PSMA6: variants seen among roughly 807,000 people sequenced by gnomAD.
PSMA6 encodes the protein proteasome subunit alpha type-6.
For synonymous variants in PSMA6, 88 were observed against 97.7 expected, an observed-to-expected ratio of 0.90 and a Z score of 0.59; for missense variants, 170 against 294.8, an observed-to-expected ratio of 0.58 and a Z score of 3.10.
At chr14:35,311,318 T>C (rs2051940642) in intron 4 of PSMA6, among the ~76,000 whole-genome samples, 1 of 152,218 alleles carries the variant, frequency 6.6e-6, no homozygotes, top group South Asian at 2.1e-4. Context: ...TAGAATAAAT[T>C]TCTATTTTTG....
intron 1 of PSMA6, among the ~76,000 whole-genome samples, chr14:35,279,089 C>T (rs1393915898): frequency 3.9e-5 from 6 of 152,016 alleles, no homozygotes; most frequent in Admixed American, 3.3e-4. Flanking sequence ...CTCTTCTCGC[C>T]CAGGCTGGAG....
At chr14:35,310,261 A>T in intron 3 of PSMA6, 1 of 427,844 alleles carries the variant, frequency 2.3e-6, no homozygotes, top group South Asian at 1.7e-5. Context: ...GGTTCAAGCA[A>T]TTCTCGTGCC....
At chr14:35,298,315 C>T (rs2051638524) in intron 1 of PSMA6, among the ~76,000 whole-genome samples, 2 of 152,142 alleles carry the variant, frequency 1.3e-5, no homozygotes, top group South Asian at 4.2e-4. Flanking sequence ...CATGGTGAAA[C>T]CCTATCTGTA....
chr14:35,278,747 G>C (rs1381479736), intron 1 of PSMA6: 2 of 1,531,794 alleles, frequency 1.3e-6, no homozygotes, highest in Non-Finnish European at 1.7e-6. Flanking sequence ...CTTGTTGCTT[G>C]AGATGTACTA....
At chr14:35,287,366 A>C (rs1340544172) in intron 1 of PSMA6, among the ~76,000 whole-genome samples, 2 of 152,170 alleles carry the variant, frequency 1.3e-5, no homozygotes, top group Non-Finnish European at 2.9e-5. Context: ...TGGCCAACTC[A>C]CAGGGCACTG....
chr14:35,282,158 C>T (rs1227150089), intron 1 of PSMA6, among the ~76,000 whole-genome samples: 1 of 152,198 alleles, frequency 6.6e-6, no homozygotes, highest in Non-Finnish European at 1.5e-5. Flanking sequence ...TTGAAAACAG[C>T]TTATTCATAA....
chr14:35,307,253 G>A (rs777973019), intron 1 of PSMA6, among the ~76,000 whole-genome samples: 7 of 152,056 alleles, frequency 4.6e-5, no homozygotes, highest in Non-Finnish European at 1.0e-4. Flanking sequence ...TAATCAAACA[G>A]CAATTAAAAC....
At chr14:35,308,237 C>G in intron 2 of PSMA6, 149 bp downstream of exon 2, 1 of 919,530 alleles carries the variant, frequency 1.1e-6, no homozygotes, top group Non-Finnish European at 1.5e-6. Flanking sequence ...GCGTGACCAA[C>G]ATGGAGAAAC....
chr14:35,280,238 G>A (rs529994965), intron 1 of PSMA6, among the ~76,000 whole-genome samples: 1 of 152,156 alleles, frequency 6.6e-6, no homozygotes, highest in African/African-American at 2.4e-5. Flanking sequence ...TCAGGAGTTC[G>A]AGACCAGGCT....
chr14:35,300,646 G>T (rs193008992), intron 1 of PSMA6, among the ~76,000 whole-genome samples: 13 of 152,294 alleles, frequency 8.5e-5, no homozygotes, highest in South Asian at 8.3e-4. Flanking sequence ...TTAGACAAAT[G>T]TAGATAGACT....
Position 35,296,478 on chromosome 14 carries a change from C to T in PSMA6, c.76+3926C>T, listed in dbSNP as rs112411684. On this transcript the variant is annotated intron_variant, in intron 1 of 6. Coordinates refer to ENST00000261479, the MANE Select transcript of PSMA6 (RefSeq NM_002791.3). ...CCCGAGTAGCTGGGATTACAGGCGC[C>T]TGCCACCATGCCCGGCTAGTTTTTG... Among the ~76,000 whole-genome samples the T allele has an allele frequency of 1.3e-5, 2 of 152,118 alleles. 1 individual carries two copies. Among genetic ancestry groups the T allele is most frequent in the African/African-American group, 4.8e-5 (2 of 41,494 alleles).
chr14:35,312,807 G>T (rs1432858420), intron 4 of PSMA6, 74 bp from the exon 5 acceptor site: 4 of 1,340,386 alleles, frequency 3.0e-6, no homozygotes, highest in Non-Finnish European at 4.0e-6. Flanking sequence ...CAGCAGCTAT[G>T]TGACACCACC....
intron 1 of PSMA6, among the ~76,000 whole-genome samples, chr14:35,285,723 G>T (rs73239081): frequency 0.049 from 7,487 of 152,304 alleles, 329 homozygotes; most frequent in Admixed American, 0.15. Context: ...GGAGCTGAGG[G>T]TGGGGGTGGG....
chr14:35,314,301 T>C (rs149724213), intron 5 of PSMA6, 60 bp from the exon 6 acceptor site: 1 of 1,456,602 alleles, frequency 6.9e-7, no homozygotes, highest in Middle Eastern at 2.4e-4. Flanking sequence ...AAGCTAGGAA[T>C]GAGAAAACCT....
At position 35,297,082 on chromosome 14, in the gene PSMA6, A is replaced by G. The variant is rs188747871; in HGVS notation, c.76+4530A>G. Among the ~76,000 whole-genome samples the G allele has an allele frequency of 2.3e-3, 354 of 151,130 alleles. 2 individuals are homozygous for G. The highest frequency in any genetic ancestry group is 8.2e-3 in the African/African-American group (336 of 41,058). On this transcript the variant is annotated intron_variant, in intron 1 of 6. Coordinates refer to ENST00000261479, the MANE Select transcript of PSMA6 (RefSeq NM_002791.3). The stretch of plus-strand genomic sequence containing the variant: ...AATTATGTAGCCTACAAGTTTAGGG[A>G]AAAGCAAATAAGTAGCTTCAAAAAA...
chr14:35,294,013 C>G (rs1284124298), intron 1 of PSMA6, among the ~76,000 whole-genome samples: 1 of 152,196 alleles, frequency 6.6e-6, no homozygotes, highest in African/African-American at 2.4e-5. Flanking sequence ...TATCTGAAAA[C>G]AAGTTCATTA....
At chr14:35,281,675 T>C (rs1479244837) in intron 1 of PSMA6, among the ~76,000 whole-genome samples, 1 of 152,260 alleles carries the variant, frequency 6.6e-6, no homozygotes, top group Admixed American at 6.5e-5. Flanking sequence ...CCATCTGTTA[T>C]GAACCTCTTC....
intron 1 of PSMA6, among the ~76,000 whole-genome samples, chr14:35,302,562 T>G (rs1475109384): frequency 6.6e-6 from 1 of 152,180 alleles, no homozygotes; most frequent in East Asian, 1.9e-4. Flanking sequence ...TCTGAAATTT[T>G]TTTGTCTTTT....
chr14:35,302,654 T>C (rs947301513), intron 1 of PSMA6, among the ~76,000 whole-genome samples: 3 of 152,174 alleles, frequency 2.0e-5, no homozygotes, highest in African/African-American at 7.2e-5. Context: ...ACTCCAGTTG[T>C]ACATATCTTA....
Sources: allele counts gnomAD v4.1 joint callset (sites outside exome capture counted in the v4.1 genomes callset), GRCh38; gene constraint gnomAD v4.1.1; transcripts MANE v1.5; gene names NCBI Gene and HGNC (gene_info 2026-07-23, HGNC 2026-07-21).